SMC2: variants seen among roughly 807,000 people sequenced by gnomAD.
SMC2 encodes structural maintenance of chromosomes 2.
A neutral mutation model predicts 142.6 loss-of-function variants in SMC2; 41 were observed. That is an observed-to-expected ratio of 0.29 (90% confidence interval 0.22 to 0.37). SMC2 has a LOEUF of 0.37. SMC2 is among the 10% of genes least tolerant of loss of function. The pLI, the probability that SMC2 is intolerant of heterozygous loss-of-function variation, is 1.00. For missense variants in SMC2, 1,265 were observed against 1,373.7 expected, an observed-to-expected ratio of 0.92 and a Z score of 1.25; for synonymous variants, 463 against 457.5, an observed-to-expected ratio of 1.01 and a Z score of -0.15.
In SMC2 at chr9:104,126,630, A is replaced by G. The variant is rs373191125; in HGVS notation, c.2452-11A>G. 3 of 1,599,288 alleles carry G rather than the reference A, an allele frequency of 1.9e-6. No homozygotes were observed. The highest frequency in any genetic ancestry group is 2.6e-6 in the Non-Finnish European group (3 of 1,175,410). On this transcript the variant is annotated splice_polypyrimidine_tract_variant and intron_variant, in intron 18 of 24. Transcript: ENST00000374793. ...ACCTATATGAATACCTGAATACTGT[A>G]TTTTTTATAGGAAGTTGAAGCTATC... is the stretch of plus-strand genomic sequence containing the variant.
At chr9:104,127,019 CA>C (rs11299632) in intron 19 of SMC2, among the ~76,000 whole-genome samples, 8,604 of 152,132 alleles carry the variant, frequency 0.057, 653 homozygotes, top group African/African-American at 0.18. Flanking sequence ...TTACATCTAA[CA>C]AAAAACGCTC....
upstream of SMC2, chr9:104,093,216 T>A (rs2131256800): frequency 6.6e-6 from 1 of 152,296 alleles, no homozygotes; most frequent in African/African-American, 2.4e-5. Context: ...GGTAACACCA[T>A]ACCCATTCGG....
chr9:104,125,149 C>A (rs1264075429), intron 18 of SMC2, 44 bp downstream of exon 18: 2 of 1,391,696 alleles, frequency 1.4e-6, no homozygotes, highest in East Asian at 4.7e-5. Context: ...TTAAAGTCAA[C>A]ATAGAGCTGA....
At chr9:104,091,776 C>T (rs559160209), upstream of SMC2, among the ~76,000 whole-genome samples, 1 of 152,108 alleles carries the variant, frequency 6.6e-6, no homozygotes, top group Non-Finnish European at 1.5e-5. Flanking sequence ...CAGGAGAGAG[C>T]AGGTTCCTTC....
chr9:104,123,283 A>T (rs761222732), intron 17 of SMC2, 51 bp downstream of exon 17: 2 of 1,571,514 alleles, frequency 1.3e-6, no homozygotes, highest in East Asian at 4.6e-5. Flanking sequence ...CATATCCGTT[A>T]CCTTACTTTA....
Position 104,100,448 on chromosome 9 carries a change from T to C in SMC2, c.636+15T>C, listed in dbSNP as rs370286184. 7.0e-6 allele frequency: 10 copies of C among 1,425,808 alleles called. No individual in the cohort carries two copies. In the African/African-American group the frequency reaches 1.4e-4, roughly 20 times the overall value. 88.3% of individuals were successfully genotyped at this position (1,425,808 alleles called of 1,614,324 possible). The stretch of plus-strand genomic sequence containing the variant: ...AATTAAAAGAGGTATATTCTGTATA[T>C]GTGAGGATAATCTATTAGAATGTCT... On this transcript the variant is annotated intron_variant, in intron 7 of 24. Transcript: ENST00000374793.
In SMC2 at chr9:104,141,418, T is replaced by TA. The variant is rs1307009798; in HGVS notation, c.*2104dup. On this transcript the variant is annotated 3_prime_UTR_variant, in exon 25 of 25. Coordinates refer to ENST00000374793, the MANE Select transcript of SMC2 (RefSeq NM_006444.3). Reference sequence around the variant, plus strand: ...TTGTACAGAATAAATTTAAGAAAAATACCTGTATGAGCAGTATGTACAACG... The same window carrying TA: ...TTGTACAGAATAAATTTAAGAAAAATAACCTGTATGAGCAGTATGTACAACG... 6.6e-6 allele frequency: 1 copy of TA among 152,120 alleles called. No individual in the cohort carries two copies. Among genetic ancestry groups the TA allele is most frequent in the Non-Finnish European group, 1.5e-5 (1 of 68,034 alleles). 9.4% of individuals were successfully genotyped at this position (152,120 alleles called of 1,614,324 possible).
rs572894595 is a variant in SMC2, at chr9:104,113,605, GTGT to G, written c.1414+134_1414+136del. 7.7e-4 allele frequency: 535 copies of G among 695,320 alleles called. 7 individuals carry two copies. The South Asian group carries it at 8.9e-3, about 12-fold the overall frequency. The allele number at this position is 695,320 out of a possible 1,614,324, so 43.1% of individuals were successfully genotyped here. A position where few individuals can be genotyped will look rare whatever the true frequency, so the allele number is the denominator to read the frequency against. ...CTATTAACAAGCATTAGTATAAGAA[GTGT>G]TGTAAATATCGTCAAAAAATACCTA... On this transcript the variant is annotated intron_variant, in intron 11 of 24. Coordinates refer to ENST00000374793, the MANE Select transcript of SMC2 (RefSeq NM_006444.3).
chr9:104,120,335 A>T (rs920715965), intron 16 of SMC2, among the ~76,000 whole-genome samples, 173 bp downstream of exon 16: 20 of 152,130 alleles, frequency 1.3e-4, no homozygotes, highest in Admixed American at 9.8e-4. Context: ...TTTTTTTCTC[A>T]TAAGAGAGAT....
chr9:104,091,301 G>A (rs1229043300), upstream of SMC2, among the ~76,000 whole-genome samples: 2 of 152,166 alleles, frequency 1.3e-5, no homozygotes, highest in Non-Finnish European at 2.9e-5. Flanking sequence ...TTACTGTACT[G>A]AATAATGTAG....
intron 23 of SMC2, among the ~76,000 whole-genome samples, chr9:104,135,632 A>AAGAT (rs984828349): frequency 6.6e-6 from 1 of 152,186 alleles, no homozygotes; most frequent in Non-Finnish European, 1.5e-5. Context: ...AACAAAGCAA[A>AAGAT]AGATACATAA....
rs1327000442 is a variant in SMC2, at chr9:104,098,440, T to C, written c.319-6T>C. 17 of 1,577,366 alleles carry C rather than the reference T, an allele frequency of 1.1e-5. No individual in the cohort carries two copies. The highest frequency in any genetic ancestry group is 1.5e-5 in the Non-Finnish European group (17 of 1,167,456). Reference sequence around the variant, plus strand: ...TTAATATTTAAAAAATTGCTTTCTTTTATAGGTGGTTATTGGTGGTAGAAA... The same window carrying C: ...TTAATATTTAAAAAATTGCTTTCTTCTATAGGTGGTTATTGGTGGTAGAAA... On this transcript the variant is annotated splice_region_variant and splice_polypyrimidine_tract_variant and intron_variant, in intron 3 of 24. Coordinates refer to ENST00000374793, the MANE Select transcript of SMC2 (RefSeq NM_006444.3).
rs1830986533 is a variant in SMC2 at position 104,100,494 on chromosome 9, C to CA, written c.636+65dup. The stretch of plus-strand genomic sequence containing the variant: ...TGTCTTTCAAAGTCAGCAATGTATC[C>CA]AAAATCATACACATAGTGATACTAT... On this transcript the variant is annotated intron_variant, in intron 7 of 24. Transcript: ENST00000374793. 7 of 1,036,276 alleles carry CA rather than the reference C, an allele frequency of 6.8e-6. No individual in the cohort carries two copies. In the East Asian group the frequency reaches 1.2e-4, roughly 18 times the overall value. The allele number at this position is 1,036,276 out of a possible 1,614,324, so 64.2% of individuals were successfully genotyped here. A position where few individuals can be genotyped will look rare whatever the true frequency, so the allele number is the denominator to read the frequency against.
chr9:104,118,929 G>T (rs1270720035), intron 15 of SMC2, among the ~76,000 whole-genome samples: 3 of 152,094 alleles, frequency 2.0e-5, no homozygotes, highest in South Asian at 2.1e-4. Flanking sequence ...CAACGATGAG[G>T]TAGGCATATT....
intron 15 of SMC2, 101 bp from the exon 16 acceptor site, chr9:104,119,926 C>G: frequency 3.6e-6 from 4 of 1,104,602 alleles, no homozygotes; most frequent in South Asian, 2.8e-5. Flanking sequence ...AAAATATTTA[C>G]TATTGAATCA....
At chr9:104,123,358 A>G in intron 17 of SMC2, 126 bp downstream of exon 17, 2 of 887,584 alleles carry the variant, frequency 2.3e-6, no homozygotes, top group Non-Finnish European at 3.2e-6. Context: ...GGAAAATCCA[A>G]GTATGGGATT....
At chr9:104,112,000 G>A (rs891287252) in intron 10 of SMC2, among the ~76,000 whole-genome samples, 186 bp downstream of exon 10, 2 of 152,186 alleles carry the variant, frequency 1.3e-5, no homozygotes, top group African/African-American at 4.8e-5. Flanking sequence ...CTAAATATTG[G>A]TGATGTTAAT....
chr9:104,120,166 A>G lies in SMC2; in HGVS notation c.2132+4A>G, dbSNP rs1363629620. The G allele has an allele frequency of 6.3e-7, 1 of 1,592,652 alleles. No individual in the cohort carries two copies. The highest frequency in any genetic ancestry group is 2.2e-5 in the East Asian group (1 of 44,448). On this transcript the variant is annotated splice_donor_region_variant and intron_variant, in intron 16 of 24. Coordinates refer to ENST00000374793, the MANE Select transcript of SMC2 (RefSeq NM_006444.3). The stretch of plus-strand genomic sequence containing the variant: ...GTCTTAAAAACACTGCTGAAAAGTA[A>G]GAACTGCATATACTTTTTTTAATTA...
intron 15 of SMC2, 101 bp downstream of exon 15, chr9:104,118,476 C>T: frequency 1.1e-6 from 1 of 946,468 alleles, no homozygotes; most frequent in South Asian, 1.7e-5. Context: ...CTTCAGGAAA[C>T]ATGTTAACTT....
Sources: allele counts gnomAD v4.1 joint callset (sites outside exome capture counted in the v4.1 genomes callset), GRCh38; gene constraint gnomAD v4.1.1; transcripts MANE v1.5; gene names NCBI Gene and HGNC (gene_info 2026-07-23, HGNC 2026-07-21).